Variants in SLC7A11 observed in about 807,000 individuals in gnomAD.
The protein encoded by SLC7A11 is cystine/glutamate transporter.
In SLC7A11, 35 loss-of-function variants were observed where a neutral mutation model predicts 54.5. The ratio of observed to expected loss-of-function variants is 0.64; its 90% CI spans 0.49 to 0.85. The LOEUF is 0.85. Ranked by LOEUF, SLC7A11 falls within the 40% of genes least tolerant of loss-of-function variation. SLC7A11 has a pLI of 0.00. For synonymous variants in SLC7A11, 230 were observed against 225.2 expected (o/e 1.02, Z -0.19); for missense variants, 583 against 618.1 (o/e 0.94, Z 0.60).
chr4:138,207,481 G>T (rs1451731028), intron 6 of SLC7A11, among the ~76,000 whole-genome samples: 10 of 151,976 alleles, frequency 6.6e-5, no homozygotes, highest in African/African-American at 2.4e-4. Context: ...GAGGCAGGTG[G>T]ATCACTTGAG....
intron 3 of SLC7A11, among the ~76,000 whole-genome samples, chr4:138,224,670 A>C (rs1737893888): frequency 6.6e-6 from 1 of 152,120 alleles, no homozygotes; most frequent in South Asian, 2.1e-4. Context: ...TTAATAGTTT[A>C]TATGCAGCCA....
intron 1 of SLC7A11, among the ~76,000 whole-genome samples, chr4:138,238,520 T>C (rs543044655): frequency 1.3e-5 from 2 of 152,318 alleles, no homozygotes; most frequent in South Asian, 4.1e-4. Context: ...ATTTGGATAT[T>C]CAGTGAAATC....
At chr4:138,201,710 T>A (rs1310077159) in intron 6 of SLC7A11, among the ~76,000 whole-genome samples, 1 of 152,110 alleles carries the variant, frequency 6.6e-6, no homozygotes, top group South Asian at 2.1e-4. Context: ...ATAGTCCCTA[T>A]GGGTGACAAA....
intron 5 of SLC7A11, among the ~76,000 whole-genome samples, chr4:138,215,128 C>T (rs943789330): frequency 3.9e-5 from 6 of 151,984 alleles, no homozygotes; most frequent in African/African-American, 1.2e-4. Context: ...AATGAGCACC[C>T]GTACACTGCA....
At chr4:138,217,154 A>C (rs1467162965) in intron 5 of SLC7A11, among the ~76,000 whole-genome samples, 1 of 152,186 alleles carries the variant, frequency 6.6e-6, no homozygotes, top group African/African-American at 2.4e-5. Flanking sequence ...TTCAGGTAGC[A>C]CAACAACCTG....
At chr4:138,180,196 C>T (rs1197850709) in intron 10 of SLC7A11, among the ~76,000 whole-genome samples, 1 of 152,000 alleles carries the variant, frequency 6.6e-6, no homozygotes, top group Non-Finnish European at 1.5e-5. Flanking sequence ...TGTAACAAGT[C>T]ACAACATTTA....
chr4:138,181,335 G>A (rs576004072), intron 9 of SLC7A11, among the ~76,000 whole-genome samples: 1 of 152,046 alleles, frequency 6.6e-6, no homozygotes, highest in East Asian at 1.9e-4. Flanking sequence ...TACTCTCCTG[G>A]TGTGCTTGCC....
chr4:138,183,057 A>G, intron 8 of SLC7A11, 145 bp downstream of exon 8: 1 of 624,190 alleles, frequency 1.6e-6, no homozygotes, highest in Non-Finnish European at 2.9e-6. Flanking sequence ...CGTGCTGTTG[A>G]TACTTGGACC....
rs1263545529 is a variant in SLC7A11, at chr4:138,166,888, G to A, written c.*5068C>T. On this transcript the variant is annotated 3_prime_UTR_variant, in exon 12 of 12. Coordinates refer to ENST00000280612, the MANE Select transcript of SLC7A11 (RefSeq NM_014331.4). The stretch of plus-strand genomic sequence containing the variant: ...TATATAAATTCATTGTTATGAGGTT[G>A]TAGAAAGGACAGTTATCTCACGACA... 1 of 152,122 alleles carries A rather than the reference G, an allele frequency of 6.6e-6. No individual in the cohort carries two copies. Among genetic ancestry groups the A allele is most frequent in the African/African-American group, 2.4e-5 (1 of 41,414 alleles). 9.4% of individuals were successfully genotyped at this position (152,122 alleles called of 1,614,324 possible).
In SLC7A11 at chr4:138,216,593, T is replaced by C. The variant is rs144224985; in HGVS notation, c.747-1964A>G. On this transcript the variant is annotated intron_variant, in intron 5 of 11. Transcript: ENST00000280612. ...CTCAAGTTTCTGTGAAGTAGCTTTA[T>C]CATTCTAGAAAGTTTCAGCATTCCT... Among the ~76,000 whole-genome samples the C allele has an allele frequency of 8.7e-4, 132 of 152,278 alleles. 1 individual carries two copies. In the South Asian group the frequency reaches 0.013, roughly 15 times the overall value.
chr4:138,191,337 C>T (rs182634910), intron 6 of SLC7A11, among the ~76,000 whole-genome samples: 1 of 152,254 alleles, frequency 6.6e-6, no homozygotes, highest in African/African-American at 2.4e-5. Context: ...TTCAATACCA[C>T]TGATGTCTAA....
intron 6 of SLC7A11, among the ~76,000 whole-genome samples, chr4:138,204,730 G>GA (rs57153240): frequency 1.4e-4 from 21 of 146,964 alleles, no homozygotes; most frequent in Middle Eastern, 3.5e-3. Flanking sequence ...TGGTTAAGAA[G>GA]AAAAAAAAAA....
At chr4:138,218,349 T>A (rs1737727339) in intron 5 of SLC7A11, among the ~76,000 whole-genome samples, 1 of 152,206 alleles carries the variant, frequency 6.6e-6, no homozygotes, top group African/African-American at 2.4e-5. Flanking sequence ...GATTTATAGA[T>A]AATTAAAAAA....
intron 1 of SLC7A11, among the ~76,000 whole-genome samples, chr4:138,237,320 C>T (rs949789092): frequency 1.3e-5 from 2 of 151,304 alleles, no homozygotes; most frequent in African/African-American, 2.4e-5. Flanking sequence ...TATATTTTGT[C>T]AACAAAATGA....
intron 6 of SLC7A11, among the ~76,000 whole-genome samples, chr4:138,199,601 G>A (rs1737227274): frequency 6.6e-6 from 1 of 152,090 alleles, no homozygotes; most frequent in Non-Finnish European, 1.5e-5. Context: ...GCAGGGAGTG[G>A]AGGAGGCAGG....
intron 6 of SLC7A11, 113 bp from the exon 7 acceptor site, chr4:138,185,357 A>G: frequency 8.2e-7 from 1 of 1,220,868 alleles, no homozygotes; most frequent in Admixed American, 1.8e-5. Context: ...TACAATAATT[A>G]TAGGCTCTGT....
At chr4:138,235,791 T>C (rs2148456074) in intron 2 of SLC7A11, among the ~76,000 whole-genome samples, 1 of 152,352 alleles carries the variant, frequency 6.6e-6, no homozygotes, top group South Asian at 2.1e-4. Context: ...TTTGGAACTG[T>C]AGTTCCTAAT....
At chr4:138,194,785 T>TA (rs1337307305) in intron 6 of SLC7A11, among the ~76,000 whole-genome samples, 7 of 152,206 alleles carry the variant, frequency 4.6e-5, no homozygotes, top group African/African-American at 9.6e-5. Flanking sequence ...TCTCTGGACT[T>TA]ACACTTCCCC....
rs1011988370 is a variant in SLC7A11, at chr4:138,242,273, A to C, written c.-204T>G. ...ACTACTCAGAAACACCTGTGTATGC[A>C]TCGTGCTCTCAATTCTCCACCTCCT... On this transcript the variant is annotated 5_prime_UTR_variant, in exon 1 of 12. The change abolishes an upstream ATG in the 5' untranslated region. Coordinates refer to ENST00000280612, the MANE Select transcript of SLC7A11 (RefSeq NM_014331.4). 43 of 605,724 alleles carry C rather than the reference A, an allele frequency of 7.1e-5. No homozygotes were observed. The highest frequency in any genetic ancestry group is 7.0e-4 in the South Asian group (35 of 49,918). 37.5% of individuals were successfully genotyped at this position (605,724 alleles called of 1,614,324 possible). A position where few individuals can be genotyped will look rare whatever the true frequency, so the allele number is the denominator to read the frequency against.
Sources: gnomAD v4.1 joint callset for allele counts (sites outside exome capture counted in the v4.1 genomes callset) on GRCh38, gnomAD v4.1.1 for gene constraint, MANE v1.5 for transcripts, NCBI Gene and HGNC (gene_info 2026-07-23, HGNC 2026-07-21) for gene names.